FAM186A: variants seen among roughly 807,000 people sequenced by gnomAD.
The protein encoded by FAM186A is protein FAM186A.
In FAM186A, 163 loss-of-function variants were observed where a neutral mutation model predicts 216.8. The ratio of observed to expected loss-of-function variants is 0.75; its 90% CI spans 0.66 to 0.86. The LOEUF (loss-of-function observed/expected upper bound fraction) is 0.86, where lower values mean the gene tolerates loss of function less well. FAM186A is among the 40% of genes least tolerant of loss of function. The pLI, the probability that FAM186A is intolerant of heterozygous loss-of-function variation, is 0.00. For synonymous variants in FAM186A, 805 were observed against 1,025.3 expected (o/e 0.79, Z 4.10); for missense variants, 2,184 against 2,746.2 (o/e 0.80, Z 4.58).
At chr12:50,333,584 A>T (rs1942678018) in intron 5 of FAM186A, among the ~76,000 whole-genome samples, 1 of 152,106 alleles carries the variant, frequency 6.6e-6, no homozygotes, top group South Asian at 2.1e-4. Context: ...ATGGAGGCGG[A>T]GATTGGAATT....
chr12:50,349,137 AT>A (rs1467890567), intron 4 of FAM186A, among the ~76,000 whole-genome samples: 2 of 151,382 alleles, frequency 1.3e-5, no homozygotes, highest in Non-Finnish European at 2.9e-5. Context: ...CATTCTTTCT[AT>A]TTTTTTGTAC....
At chr12:50,393,431 G>T (rs571799055) in intron 1 of FAM186A, among the ~76,000 whole-genome samples, 1 of 151,660 alleles carries the variant, frequency 6.6e-6, no homozygotes, top group African/African-American at 2.4e-5. Context: ...AGTCTCAGCT[G>T]CTCGGGAGGC....
At chr12:50,334,474 T>G (rs1942688405) in intron 4 of FAM186A, among the ~76,000 whole-genome samples, 1 of 151,714 alleles carries the variant, frequency 6.6e-6, no homozygotes, top group Non-Finnish European at 1.5e-5. Context: ...ATGGCCTCTT[T>G]TTAATTTAAT....
intron 7 of FAM186A, among the ~76,000 whole-genome samples, chr12:50,327,805 A>G (rs772380141): frequency 1.4e-4 from 21 of 152,176 alleles, no homozygotes; most frequent in South Asian, 4.2e-4. Flanking sequence ...TTGGCCTCCC[A>G]AAGTGCTGGG....
chr12:50,379,268 G>A (rs1167608323), intron 1 of FAM186A, among the ~76,000 whole-genome samples: 7 of 151,816 alleles, frequency 4.6e-5, no homozygotes, highest in South Asian at 2.1e-4. Context: ...GTGAAACCCC[G>A]TCTCTACTAA....
chr12:50,360,616 T>C, intron 3 of FAM186A, 140 bp downstream of exon 3: 1 of 580,260 alleles, frequency 1.7e-6, no homozygotes. Context: ...AACCTGGAGG[T>C]GGAGGTTGCA....
rs917612762 is a variant in FAM186A at position 50,330,745 on chromosome 12, G to T, written c.6862C>A (p.Gln2288Lys). The T allele has an allele frequency of 7.2e-6, 11 of 1,521,738 alleles. No individual in the cohort carries two copies. The highest frequency in any genetic ancestry group is 7.9e-6 in the Non-Finnish European group (9 of 1,137,070). The allele number at this position is 1,521,738 out of a possible 1,614,324, so 94.3% of individuals were successfully genotyped here. ...TCAACATTCCAGATGGCCTCTGTCT[G>T]GTCCTCTTGTTGCCTACAGAATCAG... ...ICKKFRQQED[Q>K]TEAIWNVDLS... The change falls in exon 7 of 8, where the codon CAG becomes AAG. Residue 2288 changes from glutamine to lysine, a missense_variant. Physicochemically the swap from Gln to Lys is moderately conservative, Grantham distance 53 (BLOSUM62 1). This residue lies in a region of FAM186A where 721 missense variants were observed against 816.4 expected (regional missense o/e 0.88). Coordinates refer to ENST00000327337, the MANE Select transcript of FAM186A (RefSeq NM_001145475.3).
At chr12:50,370,168 G>A in intron 1 of FAM186A, among the ~76,000 whole-genome samples, 1 of 148,372 alleles carries the variant, frequency 6.7e-6, no homozygotes, top group Non-Finnish European at 1.5e-5. Context: ...GCCAGGCATG[G>A]TGGCACACTC....
chr12:50,363,092 TCTC>T (rs1943051777), intron 2 of FAM186A, 50 bp downstream of exon 2: 1 of 1,390,424 alleles, frequency 7.2e-7, no homozygotes, highest in African/African-American at 1.5e-5. Flanking sequence ...TATATTCTCT[TCTC>T]TTTTTCATTA....
chr12:50,356,209 A>G lies in FAM186A; in HGVS notation c.623T>C (p.Val208Ala), dbSNP rs753734245. Residue 208 changes from valine to alanine, a missense_variant, in exon 4 of 8, where the codon GTT (valine) becomes GCT (alanine). Around this residue, in one of 7 missense-constraint regions of FAM186A, gnomAD observed 1,132 missense variants for 1,263.4 expected, o/e 0.90. Coordinates refer to ENST00000327337, the MANE Select transcript of FAM186A (RefSeq NM_001145475.3). ...ACGGGCTGTTGAAGGTCGTTTTATA[A>G]CTCTTTCTTTCCAAGATTTCCATAG... ...GTLWKSWKER[V>A]IKRPSTARAL... 3.9e-6 allele frequency: 6 copies of G among 1,550,422 alleles called. No individual in the cohort carries two copies. In the South Asian group the frequency reaches 7.2e-5, roughly 18 times the overall value.
chr12:50,389,105 C>G (rs1008461189), intron 1 of FAM186A, among the ~76,000 whole-genome samples: 4 of 151,910 alleles, frequency 2.6e-5, no homozygotes, highest in Admixed American at 2.0e-4. Context: ...ATGGCTCATG[C>G]CTGTAATCTC....
At chr12:50,364,124 A>G (rs1943064437) in intron 1 of FAM186A, among the ~76,000 whole-genome samples, 1 of 152,218 alleles carries the variant, frequency 6.6e-6, no homozygotes, top group Non-Finnish European at 1.5e-5. Context: ...AGCCCACCCT[A>G]CAGTGCAGTG....
chr12:50,330,204 CAT>C (rs1942642951), intron 7 of FAM186A, among the ~76,000 whole-genome samples: 1 of 152,134 alleles, frequency 6.6e-6, no homozygotes, highest in South Asian at 2.1e-4. Context: ...CACTTAAGCT[CAT>C]GTCACTGAAT....
chr12:50,395,479 ATTTT>A (rs913934011), intron 1 of FAM186A, among the ~76,000 whole-genome samples: 8 of 151,520 alleles, frequency 5.3e-5, no homozygotes, highest in African/African-American at 1.7e-4. Flanking sequence ...TTATTTATTT[ATTTT>A]TCTAAAAATA....
intron 1 of FAM186A, among the ~76,000 whole-genome samples, chr12:50,395,758 A>G (rs1943406156): frequency 6.6e-6 from 1 of 152,012 alleles, no homozygotes; most frequent in African/African-American, 2.4e-5. Flanking sequence ...TAGGGAACAA[A>G]TGAAAACTTT....
intron 1 of FAM186A, among the ~76,000 whole-genome samples, chr12:50,392,031 G>C (rs1202873867): frequency 6.6e-6 from 1 of 151,326 alleles, no homozygotes; most frequent in Non-Finnish European, 1.5e-5. Flanking sequence ...TATGCTAAGT[G>C]AAAGACGTGA....
At chr12:50,385,810 G>C (rs1225079660) in intron 1 of FAM186A, among the ~76,000 whole-genome samples, 2 of 151,934 alleles carry the variant, frequency 1.3e-5, no homozygotes, top group Non-Finnish European at 2.9e-5. Context: ...ACTGAGGCAG[G>C]AGAATTGCTT....
chr12:50,351,621 C>T lies in FAM186A; in HGVS notation c.5211G>A (p.Arg1737=), dbSNP rs1406743576. 6.4e-7 allele frequency: 1 copy of T among 1,551,422 alleles called. No individual in the cohort carries two copies. The highest frequency in any genetic ancestry group is 8.7e-7 in the Non-Finnish European group (1 of 1,146,886). The change falls in exon 4 of 8, where the codon AGG becomes AGA. Residue 1737 remains arginine, a synonymous_variant. Transcript: ENST00000327337. The part of the protein sequence containing the change: ...SIISRLSPSL[R]LSLASSAPTA... The stretch of plus-strand genomic sequence containing the variant: ...TAGGAGCTGATGATGCCAGGGACAG[C>T]CTAAGACTTGGAGACAATCTTGATA...
intron 4 of FAM186A, among the ~76,000 whole-genome samples, chr12:50,337,955 T>C (rs1348773826): frequency 1.3e-5 from 2 of 152,020 alleles, no homozygotes. Flanking sequence ...GTAGTAACCA[T>C]GGGGGTATCT....
Sources: allele counts gnomAD v4.1 joint callset (sites outside exome capture counted in the v4.1 genomes callset), GRCh38; gene constraint gnomAD v4.1.1; regional missense constraint gnomAD v4.1.1; transcripts MANE v1.5; gene names NCBI Gene and HGNC (gene_info 2026-07-23, HGNC 2026-07-21).